Variants in ARB2A observed in about 807,000 individuals in gnomAD.
The protein encoded by ARB2A is ARB2 cotranscriptional regulator A.
At chr5:93,996,115 A>T in the ARB2A span, among the ~76,000 whole-genome samples, 1 of 152,008 alleles carries the variant, frequency 6.6e-6, no homozygotes, top group Non-Finnish European at 1.5e-5. Flanking sequence ...TTCTGAAATT[A>T]TTCAGAAACT....
At chr5:93,785,502 C>T in the ARB2A span, among the ~76,000 whole-genome samples, 1 of 152,010 alleles carries the variant, frequency 6.6e-6, no homozygotes, top group South Asian at 2.1e-4. Context: ...TTCTGAATGG[C>T]GATGAAAGCT....
the ARB2A span, among the ~76,000 whole-genome samples, chr5:94,103,090 G>A: frequency 2.0e-5 from 3 of 151,882 alleles, no homozygotes; most frequent in African/African-American, 7.3e-5. Context: ...ACAGACCATT[G>A]ACACCATAAA....
chr5:93,769,619 A>C, the ARB2A span, among the ~76,000 whole-genome samples: 1 of 152,122 alleles, frequency 6.6e-6, no homozygotes, highest in East Asian at 1.9e-4. Flanking sequence ...TTCTTATTTG[A>C]TGCAACCTAA....
the ARB2A span, among the ~76,000 whole-genome samples, chr5:93,931,644 C>T: frequency 1.3e-5 from 2 of 151,896 alleles, no homozygotes; most frequent in African/African-American, 4.8e-5. Flanking sequence ...AAGTATTACA[C>T]ACATACAGAA....
the ARB2A span, among the ~76,000 whole-genome samples, chr5:93,637,354 G>GTTTTTTTTTTTT: frequency 9.8e-4 from 114 of 116,050 alleles, no homozygotes; most frequent in Admixed American, 1.4e-3. Context: ...GGGTTGTTTA[G>GTTTTTTTTTTTT]TTTTTTTTTT....
the ARB2A span, chr5:93,736,072 T>A: frequency 3.9e-5 from 6 of 152,178 alleles, no homozygotes; most frequent in Admixed American, 3.9e-4. Context: ...TTCCACACTT[T>A]TTATCCAGTG....
the ARB2A span, chr5:93,863,841 A>T: frequency 6.6e-6 from 1 of 152,098 alleles, no homozygotes; most frequent in Non-Finnish European, 1.5e-5. Context: ...ATATTTTTAA[A>T]TATTTTCTTT....
the ARB2A span, among the ~76,000 whole-genome samples, chr5:93,946,404 G>A: frequency 3.3e-5 from 5 of 152,086 alleles, no homozygotes; most frequent in Admixed American, 1.3e-4. Context: ...ATTAAGAGAC[G>A]AATGAAGATC....
the ARB2A span, among the ~76,000 whole-genome samples, chr5:93,782,139 GAGA>G: frequency 6.6e-6 from 1 of 152,094 alleles, no homozygotes; most frequent in African/African-American, 2.4e-5. Context: ...TCTCGTTTTG[GAGA>G]AGATCACTGA....
chr5:93,621,635 C>T, the ARB2A span, among the ~76,000 whole-genome samples: 3 of 152,314 alleles, frequency 2.0e-5, no homozygotes, highest in East Asian at 5.8e-4. Flanking sequence ...TCGCACAGCG[C>T]CTGTTTCCTT....
At chr5:94,111,101 C>T in the ARB2A span, among the ~76,000 whole-genome samples, 7 of 152,172 alleles carry the variant, frequency 4.6e-5, no homozygotes, top group African/African-American at 1.4e-4. Flanking sequence ...GCACTTTAAT[C>T]CCTCTGCAGT....
At chr5:93,621,196 G>T in the ARB2A span, 2 of 1,446,138 alleles carry the variant, frequency 1.4e-6, no homozygotes, top group Middle Eastern at 2.4e-4. Context: ...GGGCGGCGAG[G>T]GCCAGGCCGA....
chr5:94,048,609 C>T, the ARB2A span, among the ~76,000 whole-genome samples: 1 of 152,138 alleles, frequency 6.6e-6, no homozygotes, highest in African/African-American at 2.4e-5. Context: ...CAATCTCTTG[C>T]TCCTCAAATC....
chr5:94,061,055 G>A, the ARB2A span, among the ~76,000 whole-genome samples: 93 of 152,216 alleles, frequency 6.1e-4, no homozygotes, highest in Non-Finnish European at 8.4e-4. Flanking sequence ...TGGCTAACAC[G>A]GTGAAACCCT....
the ARB2A span, among the ~76,000 whole-genome samples, chr5:93,921,562 T>TTTTTTTTTTTTTTTTTTTTGAGACGG: frequency 6.6e-6 from 1 of 152,102 alleles, no homozygotes; most frequent in African/African-American, 2.4e-5. Context: ...ACTGGTTTTT[T>TTTTTTTTTTTTTTTTTTTTGAGACGG]AATGCAGACA....
chr5:93,620,783 A>C, the ARB2A span: 1 of 542,850 alleles, frequency 1.8e-6, no homozygotes, highest in Non-Finnish European at 2.9e-6. Context: ...AGCCCGCAGG[A>C]AGCACGACCA....
the ARB2A span, among the ~76,000 whole-genome samples, chr5:93,651,330 T>G: frequency 6.6e-6 from 1 of 152,000 alleles, no homozygotes; most frequent in East Asian, 1.9e-4. Context: ...AGACAGGGGT[T>G]GCACTATTTT....
chr5:94,005,082 C>A, the ARB2A span, among the ~76,000 whole-genome samples: 1 of 119,568 alleles, frequency 8.4e-6, no homozygotes, highest in Admixed American at 8.4e-5. Flanking sequence ...AAACAATCTG[C>A]AAAAGAGACA....
chr5:94,073,173 C>T, the ARB2A span, among the ~76,000 whole-genome samples: 1 of 152,082 alleles, frequency 6.6e-6, no homozygotes, highest in African/African-American at 2.4e-5. Context: ...ATAAAACTGT[C>T]TTCCTGTTAA....
Sources: gnomAD v4.1 joint callset for allele counts (sites outside exome capture counted in the v4.1 genomes callset) on GRCh38, gnomAD v4.1.1 for gene constraint, MANE v1.5 for transcripts, NCBI Gene and HGNC (gene_info 2026-07-23, HGNC 2026-07-21) for gene names.